Variants in EXOC4 observed in about 807,000 individuals in gnomAD.
The protein encoded by EXOC4 is exocyst complex component 4.
EXOC4 carries 71 observed loss-of-function variants against 107.2 expected under a neutral mutation model. The ratio of observed to expected loss-of-function variants is 0.66; its 90% CI spans 0.55 to 0.81. The LOEUF is 0.81. Ranked by LOEUF, EXOC4 falls within the 30% of genes least tolerant of loss-of-function variation. The pLI is 0.00. For synonymous variants in EXOC4, 456 were observed against 441.2 expected, an observed-to-expected ratio of 1.03 and a Z score of -0.42; for missense variants, 1,108 against 1,189.6, an observed-to-expected ratio of 0.93 and a Z score of 1.01.
At chr7:133,647,463 A>AC (rs1479303803) in intron 10 of EXOC4, among the ~76,000 whole-genome samples, 1 of 151,992 alleles carries the variant, frequency 6.6e-6, no homozygotes, top group Non-Finnish European at 1.5e-5. Context: ...AAATAGTATC[A>AC]CCCCCGTTTT....
At chr7:133,861,185 C>T (rs1057186625) in intron 11 of EXOC4, among the ~76,000 whole-genome samples, 2 of 152,122 alleles carry the variant, frequency 1.3e-5, no homozygotes, top group Non-Finnish European at 2.9e-5. Context: ...TAGAAGAGAA[C>T]CCCAAAGGGT....
intron 11 of EXOC4, among the ~76,000 whole-genome samples, chr7:133,842,056 A>C (rs1041413310): frequency 1.3e-5 from 2 of 152,144 alleles, no homozygotes; most frequent in Non-Finnish European, 2.9e-5. Flanking sequence ...TTTACCATTG[A>C]TGGACATTTA....
At chr7:133,641,443 G>C (rs10227672) in intron 10 of EXOC4, among the ~76,000 whole-genome samples, 80,832 of 147,666 alleles carry the variant, frequency 0.55, 21,826 homozygotes, top group Admixed American at 0.65. Context: ...TATATATATA[G>C]ATACACACAC....
chr7:133,720,504 G>A (rs999565286), intron 10 of EXOC4, among the ~76,000 whole-genome samples: 2 of 151,838 alleles, frequency 1.3e-5, no homozygotes, highest in African/African-American at 4.8e-5. Context: ...TTATTTTGGG[G>A]GTATTTTATT....
intron 9 of EXOC4, among the ~76,000 whole-genome samples, chr7:133,603,187 T>G (rs1043149676): frequency 6.6e-6 from 1 of 152,338 alleles, no homozygotes; most frequent in East Asian, 1.9e-4. Flanking sequence ...ATTCTCTACC[T>G]CTGTAGGTTA....
chr7:133,289,056 G>A lies in EXOC4; in HGVS notation c.411G>A (p.Val137=). 2 of 1,614,202 alleles carry A rather than the reference G, an allele frequency of 1.2e-6. No individual in the cohort carries two copies. Among genetic ancestry groups the A allele is most frequent in the South Asian group, 1.1e-5 (1 of 91,080 alleles). ...ATGAAATTGAGAATATCAAGCAAGT[G>A]CCTCAAAAGCTGGAACAGTGCATGG... The part of the protein sequence containing the change: ...LLDEIENIKQ[V]PQKLEQCMAS... Residue 137 remains valine (V), a synonymous_variant, in exon 3 of 18, where the codon GTG becomes GTA. Coordinates refer to ENST00000253861, the MANE Select transcript of EXOC4 (RefSeq NM_021807.4).
At chr7:133,916,619 G>A (rs1372676089) in intron 12 of EXOC4, among the ~76,000 whole-genome samples, 1 of 152,108 alleles carries the variant, frequency 6.6e-6, no homozygotes, top group Non-Finnish European at 1.5e-5. Context: ...TTGGGTCAAG[G>A]AGGTATCATA....
chr7:133,730,087 G>A (rs1453933405), intron 10 of EXOC4, among the ~76,000 whole-genome samples: 1 of 149,972 alleles, frequency 6.7e-6, no homozygotes, highest in Non-Finnish European at 1.5e-5. Context: ...TTAGAGCATG[G>A]CTTTAATTTC....
chr7:133,407,575 T>C (rs1797250924), intron 7 of EXOC4, among the ~76,000 whole-genome samples: 1 of 152,128 alleles, frequency 6.6e-6, no homozygotes, highest in Admixed American at 6.5e-5. Flanking sequence ...ATATGTAATG[T>C]TTAAATAAGC....
At chr7:133,772,157 A>G (rs1562990919) in intron 10 of EXOC4, among the ~76,000 whole-genome samples, 1 of 151,934 alleles carries the variant, frequency 6.6e-6, no homozygotes, top group East Asian at 1.9e-4. Context: ...CGAGTTCAAC[A>G]ATTATACAGC....
chr7:133,915,247 TTCA>T (rs1799780840), intron 12 of EXOC4, among the ~76,000 whole-genome samples: 2 of 152,184 alleles, frequency 1.3e-5, no homozygotes, highest in East Asian at 1.9e-4. Flanking sequence ...CATTCATTCA[TTCA>T]TTCATTCATT....
At chr7:133,742,690 A>G (rs1019458516) in intron 10 of EXOC4, among the ~76,000 whole-genome samples, 1 of 152,142 alleles carries the variant, frequency 6.6e-6, no homozygotes, top group Admixed American at 6.6e-5. Context: ...AGCTCATGCA[A>G]TATTGCTTAG....
intron 7 of EXOC4, among the ~76,000 whole-genome samples, chr7:133,384,447 C>G (rs769720710): frequency 2.0e-5 from 3 of 152,016 alleles, no homozygotes; most frequent in Non-Finnish European, 4.4e-5. Flanking sequence ...GCCAAGTGTC[C>G]GTCAGACTCA....
intron 1 of EXOC4, among the ~76,000 whole-genome samples, chr7:133,259,706 A>AAATTT (rs1795099467): frequency 2.0e-5 from 3 of 152,198 alleles, no homozygotes; most frequent in Admixed American, 2.0e-4. Flanking sequence ...TTATCCTCCT[A>AAATTT]AAGTTATTAT....
At chr7:133,919,140 T>C (rs187293302) in intron 13 of EXOC4, among the ~76,000 whole-genome samples, 1 of 152,338 alleles carries the variant, frequency 6.6e-6, no homozygotes, top group Non-Finnish European at 1.5e-5. Flanking sequence ...TTTTTCTTCC[T>C]TATTATTCAC....
At chr7:133,870,154 C>T (rs1025229716) in intron 11 of EXOC4, among the ~76,000 whole-genome samples, 3 of 152,052 alleles carry the variant, frequency 2.0e-5, no homozygotes, top group African/African-American at 7.2e-5. Flanking sequence ...GTGTGCATCC[C>T]TTTATGAGCT....
chr7:133,337,118 C>T (rs926370774), intron 5 of EXOC4, among the ~76,000 whole-genome samples: 2 of 152,132 alleles, frequency 1.3e-5, no homozygotes, highest in African/African-American at 4.8e-5. Context: ...ATAAATCTCT[C>T]TTGACTGTGG....
At chr7:134,099,914 C>A in the EXOC4 span, among the ~76,000 whole-genome samples, 1 of 152,010 alleles carries the variant, frequency 6.6e-6, no homozygotes, top group Non-Finnish European at 1.5e-5. Flanking sequence ...GCCATGTTGG[C>A]CAGGCTGGTC....
chr7:134,076,374 T>C, the EXOC4 span, among the ~76,000 whole-genome samples: 32,954 of 151,888 alleles, frequency 0.22, 5,478 homozygotes, highest in African/African-American at 0.47. Context: ...AAAAATTAGC[T>C]GGGCGTGGTG....
Sources: gnomAD v4.1 joint callset for allele counts (sites outside exome capture counted in the v4.1 genomes callset) on GRCh38, gnomAD v4.1.1 for gene constraint, MANE v1.5 for transcripts, NCBI Gene and HGNC (gene_info 2026-07-23, HGNC 2026-07-21) for gene names.